Variants in SMAD2 observed in about 807,000 individuals in gnomAD.
SMAD2 encodes the protein SMAD family member 2.
Under a neutral mutation model 64.4 loss-of-function variants are expected in SMAD2, and 8 were observed. The ratio of observed to expected loss-of-function variants is 0.12; its 90% CI spans 0.07 to 0.22. The LOEUF (loss-of-function observed/expected upper bound fraction) is 0.22, where lower values mean the gene tolerates loss of function less well. SMAD2 is among the 10% of genes least tolerant of loss of function. The probability of loss-of-function intolerance (pLI) is 1.00; values close to 1 mark genes in which losing one functional copy is unlikely to be tolerated. For missense variants in SMAD2, 289 were observed against 561.2 expected (o/e 0.51, Z 4.90); for synonymous variants, 203 against 195.8 (o/e 1.04, Z -0.31).
chr18:47,917,052 G>A (rs1330829513), intron 1 of SMAD2, among the ~76,000 whole-genome samples: 1 of 151,922 alleles, frequency 6.6e-6, no homozygotes. Context: ...ACGGAGTCTC[G>A]CTCTGTCGCC....
chr18:47,880,821 T>C (rs937603095), intron 2 of SMAD2, among the ~76,000 whole-genome samples: 2 of 151,874 alleles, frequency 1.3e-5, no homozygotes, highest in Non-Finnish European at 2.9e-5. Context: ...ACAAACTCTG[T>C]CCTGGAGCAA....
intron 2 of SMAD2, among the ~76,000 whole-genome samples, chr18:47,892,788 G>A (rs2033259407): frequency 6.6e-6 from 1 of 152,012 alleles, no homozygotes; most frequent in Non-Finnish European, 1.5e-5. Context: ...TTATTTCCTT[G>A]GGATGAAAGA....
At chr18:47,861,209 A>G (rs1220672417) in intron 6 of SMAD2, among the ~76,000 whole-genome samples, 2 of 152,126 alleles carry the variant, frequency 1.3e-5, no homozygotes, top group Non-Finnish European at 2.9e-5. Context: ...ACGAAAAATA[A>G]GCTGGGCGTG....
At position 47,870,549 on chromosome 18, in the gene SMAD2, A is replaced by G; in HGVS notation, c.252T>C (p.Ile84=). 6.2e-7 allele frequency: 1 copy of G among 1,613,088 alleles called. No individual in the cohort carries two copies. The highest frequency in any genetic ancestry group is 8.5e-7 in the Non-Finnish European group (1 of 1,179,136). ...TCGTATTTGGTGTACTCAGTCCCCAAATTTCAGAGCAAGTGCTGTGCATAA... is the reference window on the plus strand; with the variant it reads ...TCGTATTTGGTGTACTCAGTCCCCAGATTTCAGAGCAAGTGCTGTGCATAA... ...CVTIPSTCSE[I]WGLSTPNTID... is the part of the protein sequence containing the mutation. Residue 84 remains isoleucine (I), a synonymous_variant, in exon 3 of 11, where the codon ATT becomes ATC. Transcript: ENST00000262160.
rs1456722029 is a variant in SMAD2 at position 47,836,615 on chromosome 18, A to G, written c.*5212T>C. ...TAAGTTTGTCTATGAGTGTATATGT[A>G]TATATAAATTCATACACATATATTA... On this transcript the variant is annotated 3_prime_UTR_variant, in exon 11 of 11. Coordinates refer to ENST00000262160, the MANE Select transcript of SMAD2 (RefSeq NM_005901.6). 2.3e-5 allele frequency: 5 copies of G among 214,078 alleles called. No individual in the cohort carries two copies. The highest frequency in any genetic ancestry group is 4.7e-5 in the Non-Finnish European group (5 of 106,004). The allele number at this position is 214,078 out of a possible 1,614,324, so 13.3% of individuals were successfully genotyped here. A position where few individuals can be genotyped will look rare whatever the true frequency, so the allele number is the denominator to read the frequency against.
intron 2 of SMAD2, among the ~76,000 whole-genome samples, chr18:47,883,536 T>A (rs763889915): frequency 1.8e-4 from 28 of 152,230 alleles, no homozygotes; most frequent in Non-Finnish European, 3.8e-4. Flanking sequence ...AAAACTTCTA[T>A]GTCTTTACTG....
intron 5 of SMAD2, among the ~76,000 whole-genome samples, chr18:47,867,876 A>G (rs2031680366): frequency 6.6e-6 from 1 of 152,170 alleles, no homozygotes; most frequent in Non-Finnish European, 1.5e-5. Flanking sequence ...AGAACTAAGT[A>G]TTATATTTCT....
At chr18:47,889,554 G>A (rs1030476984) in intron 2 of SMAD2, among the ~76,000 whole-genome samples, 2 of 152,034 alleles carry the variant, frequency 1.3e-5, no homozygotes, top group South Asian at 2.1e-4. Flanking sequence ...GGCGGATCAC[G>A]AGGTCAGGAG....
Position 47,894,955 on chromosome 18 carries a change from G to A in SMAD2, c.236+1566C>T, listed in dbSNP as rs576951489. Among the ~76,000 whole-genome samples, 18 of 152,162 alleles carry A rather than the reference G, an allele frequency of 1.2e-4. No individual in the cohort carries two copies. In the East Asian group the frequency reaches 2.3e-3, roughly 20 times the overall value. The stretch of plus-strand genomic sequence containing the variant: ...AACCCATGCCAAATCTGTTTACTTC[G>A]TGTGCTAGCACAGCCACCACGCCAG... On this transcript the variant is annotated intron_variant, in intron 2 of 10. Coordinates refer to ENST00000262160, the MANE Select transcript of SMAD2 (RefSeq NM_005901.6).
Position 47,814,333 on chromosome 18 carries a change from G to A in SMAD2, c.*27494C>T, listed in dbSNP as rs1912300574. The A allele has an allele frequency of 6.6e-6, 1 of 152,160 alleles. No homozygotes were observed. The highest frequency in any genetic ancestry group is 1.5e-5 in the Non-Finnish European group (1 of 68,030). 9.4% of individuals were successfully genotyped at this position (152,160 alleles called of 1,614,324 possible). On this transcript the variant is annotated 3_prime_UTR_variant, in exon 11 of 11. Coordinates refer to ENST00000262160, the MANE Select transcript of SMAD2 (RefSeq NM_005901.6). ...TCTTGATTATTCTTTGGCATCTCTAGGAAGATGATAAGTAGTCTTCAAAGT... is the reference window on the plus strand; with the variant it reads ...TCTTGATTATTCTTTGGCATCTCTAAGAAGATGATAAGTAGTCTTCAAAGT...
chr18:47,879,707 G>GA (rs1335390965), intron 2 of SMAD2, among the ~76,000 whole-genome samples: 1 of 152,102 alleles, frequency 6.6e-6, no homozygotes, highest in Admixed American at 6.5e-5. Flanking sequence ...ACCTAGAAGT[G>GA]AAAATCTTGA....
rs776208819 is a variant in SMAD2, at chr18:47,839,795, T to C, written c.*2032A>G. 2.4e-4 allele frequency: 55 copies of C among 233,184 alleles called. No homozygotes were observed. The highest frequency in any genetic ancestry group is 2.8e-4 in the Admixed American group (5 of 17,788). The allele number at this position is 233,184 out of a possible 1,614,324, so 14.4% of individuals were successfully genotyped here. On this transcript the variant is annotated 3_prime_UTR_variant, in exon 11 of 11. Transcript: ENST00000262160. Reference sequence around the variant, plus strand: ...TTTTTGCATTTGATGCTATTCTCTTTGCCAGGAATGCTTATCTCCCCTGGC... The same window carrying C: ...TTTTTGCATTTGATGCTATTCTCTTCGCCAGGAATGCTTATCTCCCCTGGC...
chr18:47,920,025 G>C (rs894190115), intron 1 of SMAD2: 2 of 152,180 alleles, frequency 1.3e-5, no homozygotes, highest in African/African-American at 4.8e-5. Flanking sequence ...GTATAACAAA[G>C]TACTACAGAC....
intron 7 of SMAD2, among the ~76,000 whole-genome samples, chr18:47,848,900 C>T (rs1370508729): frequency 6.6e-6 from 1 of 152,022 alleles, no homozygotes; most frequent in African/African-American, 2.4e-5. Context: ...TAGATCATAC[C>T]AGATTTTTTC....
intron 1 of SMAD2, among the ~76,000 whole-genome samples, chr18:47,903,345 T>C (rs944525607): frequency 4.1e-5 from 6 of 147,902 alleles, no homozygotes; most frequent in African/African-American, 1.5e-4. Context: ...GCACAAAAGC[T>C]TGGAGGCAGG....
chr18:47,811,380 G>C lies in SMAD2; in HGVS notation c.*30447C>G, dbSNP rs1260929832. On this transcript the variant is annotated 3_prime_UTR_variant, in exon 11 of 11. Coordinates refer to ENST00000262160, the MANE Select transcript of SMAD2 (RefSeq NM_005901.6). ...AGCTGCTGGGGAGGCTGAGGGAGGA[G>C]AATGGTGTGAACCCAGGAGGCGGAG... The C allele has an allele frequency of 1.4e-5, 2 of 146,804 alleles. No individual in the cohort carries two copies. Among genetic ancestry groups the C allele is most frequent in the African/African-American group, 5.0e-5 (2 of 39,670 alleles). 9.1% of individuals were successfully genotyped at this position (146,804 alleles called of 1,614,324 possible). A position where few individuals can be genotyped will look rare whatever the true frequency, so the allele number is the denominator to read the frequency against.
intron 2 of SMAD2, among the ~76,000 whole-genome samples, chr18:47,889,042 C>A (rs930260289): frequency 6.6e-6 from 1 of 151,722 alleles, no homozygotes; most frequent in South Asian, 2.1e-4. Flanking sequence ...AGACTGAATA[C>A]AGCACAAAAA....
chr18:47,828,596 C>A lies in SMAD2; in HGVS notation c.*13231G>T, dbSNP rs1000112572. 6.1e-6 allele frequency: 1 copy of A among 164,116 alleles called. No individual in the cohort carries two copies. Among genetic ancestry groups the A allele is most frequent in the African/African-American group, 2.4e-5 (1 of 41,494 alleles). The allele number at this position is 164,116 out of a possible 1,614,324, so 10.2% of individuals were successfully genotyped here. A position where few individuals can be genotyped will look rare whatever the true frequency, so the allele number is the denominator to read the frequency against. On this transcript the variant is annotated 3_prime_UTR_variant, in exon 11 of 11. Transcript: ENST00000262160. ...ATTTTGTTCTGTACTAGGAAAAATT[C>A]TTCTGCCTTGGGATGCTGTTAATCT...
rs1037322718 is a variant in SMAD2 at position 47,837,256 on chromosome 18, A to T, written c.*4571T>A. ...AAGTTCAAAGGAGAGAAACATTCTG[A>T]TATATGCAGATAAAAATATGGCTAG... On this transcript the variant is annotated 3_prime_UTR_variant, in exon 11 of 11. Coordinates refer to ENST00000262160, the MANE Select transcript of SMAD2 (RefSeq NM_005901.6). The T allele has an allele frequency of 5.1e-6, 1 of 195,718 alleles. No individual in the cohort carries two copies. The highest frequency in any genetic ancestry group is 1.1e-5 in the Non-Finnish European group (1 of 94,216). The allele number at this position is 195,718 out of a possible 1,614,324, so 12.1% of individuals were successfully genotyped here. A position where few individuals can be genotyped will look rare whatever the true frequency, so the allele number is the denominator to read the frequency against.
Sources: allele counts gnomAD v4.1 joint callset (sites outside exome capture counted in the v4.1 genomes callset), GRCh38; gene constraint gnomAD v4.1.1; transcripts MANE v1.5; gene names NCBI Gene and HGNC (gene_info 2026-07-23, HGNC 2026-07-21).